Variants in ARPC5 observed in about 807,000 individuals in gnomAD.
ARPC5 encodes the protein actin-related protein 2/3 complex subunit 5.
Under a neutral mutation model 15.4 loss-of-function variants are expected in ARPC5, and 5 were observed. That is an observed-to-expected ratio of 0.32 (90% confidence interval 0.17 to 0.68). The LOEUF (loss-of-function observed/expected upper bound fraction) is 0.68, where lower values mean the gene tolerates loss of function less well. Among genes scored for constraint, ARPC5 ranks in the 30% least tolerant of loss-of-function variants. ARPC5 has a pLI of 0.71. For missense variants in ARPC5, 138 were observed against 192.8 expected, an observed-to-expected ratio of 0.72 and a Z score of 1.68; for synonymous variants, 85 against 72.2, an observed-to-expected ratio of 1.18 and a Z score of -0.90.
chr1:183,627,441 G>T lies in ARPC5; in HGVS notation c.*91C>A. ...GAAGGCAAAGCTGAGAGAAACAGAT[G>T]CTACCCACAGGGCAGCGGTGGCATT... On this transcript the variant is annotated 3_prime_UTR_variant, in exon 4 of 4. Transcript: ENST00000359856. 1 of 1,058,338 alleles carries T rather than the reference G, an allele frequency of 9.4e-7. No individual in the cohort carries two copies. Among genetic ancestry groups the T allele is most frequent in the Non-Finnish European group, 1.5e-6 (1 of 681,066 alleles). The allele number at this position is 1,058,338 out of a possible 1,614,324, so 65.6% of individuals were successfully genotyped here.
At chr1:183,628,172 CAAAAAA>C (rs3068220) in intron 3 of ARPC5, among the ~76,000 whole-genome samples, 3 of 46,044 alleles carry the variant, frequency 6.5e-5, no homozygotes, top group Non-Finnish European at 9.6e-5. Flanking sequence ...GACTCCGTCT[CAAAAAA>C]AAAAAAAAAA....
intron 3 of ARPC5, 148 bp downstream of exon 3, chr1:183,630,313 A>T: frequency 1.7e-6 from 1 of 597,840 alleles, no homozygotes; most frequent in Non-Finnish European, 2.7e-6. Flanking sequence ...GCTAGTAAAC[A>T]TAAATATGAA....
At chr1:183,627,740 A>G (rs2101954494) in intron 3 of ARPC5, 146 bp from the exon 4 acceptor site, 1 of 689,850 alleles carries the variant, frequency 1.4e-6, no homozygotes, top group East Asian at 2.7e-5. Context: ...TTGAGCACCA[A>G]TTATGCACCA....
Position 183,634,506 on chromosome 1 carries a change from CTGAGAT to C in ARPC5, c.143+1005_143+1010del, listed in dbSNP as rs1385565794. Among the ~76,000 whole-genome samples the C allele has an allele frequency of 3.3e-5, 5 of 152,310 alleles. No homozygotes were observed. In the East Asian group the frequency reaches 9.6e-4, roughly 29 times the overall value. On this transcript the variant is annotated intron_variant, in intron 1 of 3. Transcript: ENST00000359856. ...TTAGAAATGCATACAAATTCAGTGT[CTGAGAT>C]TTTCTAAAACTACAGCTTCGGTTTT... is the stretch of plus-strand genomic sequence containing the variant.
At chr1:183,627,681 T>C (rs955364870) in intron 3 of ARPC5, 87 bp from the exon 4 acceptor site, 16 of 1,031,756 alleles carry the variant, frequency 1.6e-5, no homozygotes, top group Non-Finnish European at 2.3e-5. Context: ...AAAGAAGGAA[T>C]GGGCACTGCT....
intron 3 of ARPC5, among the ~76,000 whole-genome samples, chr1:183,628,472 A>T (rs1444221842): frequency 6.6e-6 from 1 of 152,222 alleles, no homozygotes; most frequent in African/African-American, 2.4e-5. Flanking sequence ...TGTTCAAAAA[A>T]TATTTATGGA....
intron 3 of ARPC5, among the ~76,000 whole-genome samples, chr1:183,628,172 C>CAAAAAAAAAAA (rs3068220): frequency 2.2e-5 from 1 of 46,070 alleles, no homozygotes; most frequent in African/African-American, 5.8e-5. Flanking sequence ...GACTCCGTCT[C>CAAAAAAAAAAA]AAAAAAAAAA....
intron 3 of ARPC5, among the ~76,000 whole-genome samples, chr1:183,628,791 T>C (rs1390875508): frequency 6.6e-6 from 1 of 152,166 alleles, no homozygotes; most frequent in East Asian, 1.9e-4. Context: ...ATATGGTGCA[T>C]TCAGGAAAAA....
intron 1 of ARPC5, 95 bp downstream of exon 1, chr1:183,635,422 C>T: frequency 7.1e-7 from 1 of 1,412,810 alleles, no homozygotes; most frequent in South Asian, 1.4e-5. Context: ...GGCAGCTCCG[C>T]GCCGGTGCCC....
chr1:183,629,615 C>T (rs6657342), intron 3 of ARPC5, among the ~76,000 whole-genome samples: 314 of 152,296 alleles, frequency 2.1e-3, no homozygotes, highest in African/African-American at 6.2e-3. Flanking sequence ...ACTCTTTTGA[C>T]AGATGATGTA....
chr1:183,627,327 A>G lies in ARPC5; in HGVS notation c.*205T>C. ...GGTTTTGAAAGGATGAAACACTTCT[A>G]TTTTAACACAATTTCTTCTATATTA... On this transcript the variant is annotated 3_prime_UTR_variant, in exon 4 of 4. Transcript: ENST00000359856. 1.7e-6 allele frequency: 1 copy of G among 603,580 alleles called. No individual in the cohort carries two copies. The highest frequency in any genetic ancestry group is 3.0e-6 in the Non-Finnish European group (1 of 330,796). The allele number at this position is 603,580 out of a possible 1,614,324, so 37.4% of individuals were successfully genotyped here. A position where few individuals can be genotyped will look rare whatever the true frequency, so the allele number is the denominator to read the frequency against.
intron 2 of ARPC5, chr1:183,631,127 T>C (rs887348631): frequency 6.5e-6 from 1 of 153,138 alleles, no homozygotes; most frequent in African/African-American, 2.4e-5. Context: ...ACAGGCTGGA[T>C]GTGGTAAGCA....
At chr1:183,633,003 A>G in intron 2 of ARPC5, 79 bp downstream of exon 2, 1 of 1,077,550 alleles carries the variant, frequency 9.3e-7, no homozygotes, top group Non-Finnish European at 1.4e-6. Flanking sequence ...TAAAATATTG[A>G]TTTTTTTTTG....
At position 183,624,929 on chromosome 1, in the gene ARPC5, T is replaced by C. The variant is rs1181592120; in HGVS notation, c.*2603A>G. ...ATGCTTTAAAAAGAATTCGGTTAATTTGTACCATCTACACATTGATTTCAC... is the reference window on the plus strand; with the variant it reads ...ATGCTTTAAAAAGAATTCGGTTAATCTGTACCATCTACACATTGATTTCAC... On this transcript the variant is annotated 3_prime_UTR_variant, in exon 4 of 4. Transcript: ENST00000359856. 1.3e-5 allele frequency: 2 copies of C among 151,948 alleles called. No homozygotes were observed. Among genetic ancestry groups the C allele is most frequent in the East Asian group, 1.9e-4 (1 of 5,176 alleles). 9.4% of individuals were successfully genotyped at this position (151,948 alleles called of 1,614,324 possible). A position where few individuals can be genotyped will look rare whatever the true frequency, so the allele number is the denominator to read the frequency against.
intron 2 of ARPC5, chr1:183,631,122 C>T (rs12021522): frequency 0.079 from 12,059 of 153,252 alleles, 922 homozygotes; most frequent in African/African-American, 0.2. Context: ...ATAATACAGG[C>T]TGGATGTGGT....
rs1407914563 is a variant in ARPC5, at chr1:183,624,034, ATT to A, written c.*3496_*3497del. 6.9e-6 allele frequency: 1 copy of A among 145,370 alleles called. No individual in the cohort carries two copies. Among genetic ancestry groups the A allele is most frequent in the Non-Finnish European group, 1.5e-5 (1 of 67,154 alleles). The allele number at this position is 145,370 out of a possible 1,614,324, so 9.0% of individuals were successfully genotyped here. The stretch of plus-strand genomic sequence containing the variant: ...CAAGACTCCATCTCAAAAAAAAAAA[ATT>A]AATTAATTAATTTTCTTTTTTACCT... On this transcript the variant is annotated 3_prime_UTR_variant, in exon 4 of 4. Coordinates refer to ENST00000359856, the MANE Select transcript of ARPC5 (RefSeq NM_005717.4).
chr1:183,624,671 T>G lies in ARPC5; in HGVS notation c.*2861A>C, dbSNP rs970936498. 2 of 151,094 alleles carry G rather than the reference T, an allele frequency of 1.3e-5. No individual in the cohort carries two copies. The highest frequency in any genetic ancestry group is 4.9e-5 in the African/African-American group (2 of 40,416). 9.4% of individuals were successfully genotyped at this position (151,094 alleles called of 1,614,324 possible). On this transcript the variant is annotated 3_prime_UTR_variant, in exon 4 of 4. Coordinates refer to ENST00000359856, the MANE Select transcript of ARPC5 (RefSeq NM_005717.4). ...GCCCCTCCAAAGGATTAGTTCAAAT[T>G]AATGTCTCACTTTAAATACTCTGAT...
At position 183,623,387 on chromosome 1, in the gene ARPC5, G is replaced by A. The variant is rs1207139064; in HGVS notation, c.*4145C>T. On this transcript the variant is annotated 3_prime_UTR_variant, in exon 4 of 4. Coordinates refer to ENST00000359856, the MANE Select transcript of ARPC5 (RefSeq NM_005717.4). ...GTGGTTGGATCATCAATGTGGTGAA[G>A]TAGCACCACCTTGAGGCAGATGACA... is the stretch of plus-strand genomic sequence containing the variant. 6.5e-7 allele frequency: 1 copy of A among 1,545,010 alleles called. No homozygotes were observed. The highest frequency in any genetic ancestry group is 1.4e-5 in the African/African-American group (1 of 72,966).
At chr1:183,632,275 G>C (rs1005368840) in intron 2 of ARPC5, 1 of 152,120 alleles carries the variant, frequency 6.6e-6, no homozygotes, top group African/African-American at 2.4e-5. Context: ...GAGAATGTAA[G>C]TTGCACAACT....
Sources: gnomAD v4.1 joint callset for allele counts (sites outside exome capture counted in the v4.1 genomes callset) on GRCh38, gnomAD v4.1.1 for gene constraint, MANE v1.5 for transcripts, NCBI Gene and HGNC (gene_info 2026-07-23, HGNC 2026-07-21) for gene names.